The following TPRG1 variants were observed in gnomAD, a reference collection of about 807,000 sequenced individuals.
TPRG1 encodes the protein tumor protein p63-regulated gene 1 protein.
In TPRG1, 29 loss-of-function variants were observed where a neutral mutation model predicts 29.3. The observed-to-expected ratio is 0.99, with a 90% CI of 0.74 to 1.35. TPRG1 has a LOEUF of 1.35. Among genes scored for constraint, TPRG1 ranks in the 40% most tolerant of loss-of-function variants. The pLI, the probability that TPRG1 is intolerant of heterozygous loss-of-function variation, is 0.00. For missense variants in TPRG1, 327 were observed against 335.0 expected, an observed-to-expected ratio of 0.98 and a Z score of 0.19; for synonymous variants, 130 against 116.8, an observed-to-expected ratio of 1.11 and a Z score of -0.73.
chr3:189,138,480 T>G (rs535194313), intron 3 of TPRG1, among the ~76,000 whole-genome samples: 1 of 152,288 alleles, frequency 6.6e-6, no homozygotes, highest in South Asian at 2.1e-4. Context: ...GGAGTTATGC[T>G]CCAGGCAGTC....
At chr3:189,210,288 ATTG>A (rs1404170165) in intron 2 of TPRG1, among the ~76,000 whole-genome samples, 8 of 151,536 alleles carry the variant, frequency 5.3e-5, no homozygotes, top group Admixed American at 2.0e-4. Flanking sequence ...ATGGCATCTC[ATTG>A]TTGTTATAAA....
At chr3:189,114,098 C>G (rs968410391) in intron 1 of TPRG1, among the ~76,000 whole-genome samples, 9 of 151,992 alleles carry the variant, frequency 5.9e-5, no homozygotes, top group African/African-American at 1.7e-4. Context: ...TACCAGAACC[C>G]CTTATTACAT....
At chr3:189,061,218 G>A (rs536592966) in intron 4 of TPRG1, among the ~76,000 whole-genome samples, 16 of 152,112 alleles carry the variant, frequency 1.1e-4, no homozygotes, top group Admixed American at 7.9e-4. Flanking sequence ...TTCAATAAAC[G>A]GTGTTTGGAG....
At position 189,299,579 on chromosome 3, in the gene TPRG1, C is replaced by G. The variant is rs141693247; in HGVS notation, c.480-10807C>G. Among the ~76,000 whole-genome samples the G allele has an allele frequency of 8.6e-5, 13 of 150,864 alleles. No individual in the cohort carries two copies. The East Asian group carries it at 2.5e-3, about 29-fold the overall frequency. On this transcript the variant is annotated intron_variant, in intron 4 of 5. Transcript: ENST00000345063. ...AAAATAAAAACAGCTGGAGTCAGAT[C>G]ACTCTGCTCTGAGGAATGGGCATTT...
intron 4 of TPRG1, among the ~76,000 whole-genome samples, chr3:189,258,856 A>G (rs903548554): frequency 2.6e-5 from 4 of 151,988 alleles, no homozygotes; most frequent in African/African-American, 9.7e-5. Flanking sequence ...CCCTCCCCCA[A>G]CCAAGCTCAG....
At chr3:189,011,327 CA>C (rs1396866137) in intron 3 of TPRG1, among the ~76,000 whole-genome samples, 2 of 152,114 alleles carry the variant, frequency 1.3e-5, no homozygotes, top group East Asian at 3.9e-4. Context: ...ATGAGAATAG[CA>C]TTGAATCTAT....
intron 4 of TPRG1, among the ~76,000 whole-genome samples, chr3:189,246,206 T>A (rs1579017311): frequency 6.6e-6 from 1 of 152,146 alleles, no homozygotes; most frequent in East Asian, 1.9e-4. Context: ...CACATGCTCT[T>A]TTGCTTGCCA....
chr3:189,107,441 C>T (rs1420173396), intron 1 of TPRG1, among the ~76,000 whole-genome samples: 2 of 152,146 alleles, frequency 1.3e-5, no homozygotes, highest in Non-Finnish European at 2.9e-5. Flanking sequence ...TTGCTTCATA[C>T]ATGTCTAACA....
chr3:189,228,158 A>G (rs1170933238), intron 3 of TPRG1, among the ~76,000 whole-genome samples: 3 of 152,304 alleles, frequency 2.0e-5, no homozygotes, highest in Admixed American at 2.0e-4. Context: ...GACAACAACA[A>G]TTCCTCTAAA....
intron 1 of TPRG1, among the ~76,000 whole-genome samples, chr3:189,108,506 T>C (rs1489826886): frequency 1.3e-5 from 2 of 151,404 alleles, no homozygotes; most frequent in African/African-American, 4.9e-5. Flanking sequence ...CAGCACAGTT[T>C]CCATAAATTT....
intron 4 of TPRG1, among the ~76,000 whole-genome samples, chr3:189,249,599 TATC>T: frequency 6.6e-6 from 1 of 152,164 alleles, no homozygotes; most frequent in Middle Eastern, 3.4e-3. Context: ...TTGATTTTTG[TATC>T]ATATTTTTAA....
rs188246621 is a variant in TPRG1, at chr3:189,299,801, A to G, written c.480-10585A>G. On this transcript the variant is annotated intron_variant, in intron 4 of 5. Coordinates refer to ENST00000345063, the MANE Select transcript of TPRG1 (RefSeq NM_198485.4). ...TAACATTAGTATATAGAATAATTTC[A>G]TATTGATGAAGTTATCACAAATGTT... 3.3e-5 allele frequency among the ~76,000 whole-genome samples: 5 copies of G among 152,336 alleles called. No individual in the cohort carries two copies. The East Asian group carries it at 9.7e-4, about 29-fold the overall frequency.
intron 4 of TPRG1, among the ~76,000 whole-genome samples, chr3:189,046,282 G>A (rs991783575): frequency 1.3e-5 from 2 of 152,146 alleles, no homozygotes; most frequent in Admixed American, 6.5e-5. Flanking sequence ...AGAGATTGTT[G>A]GTAAACCCTC....
At chr3:189,177,433 T>A (rs1160999570) in intron 1 of TPRG1, among the ~76,000 whole-genome samples, 1 of 151,512 alleles carries the variant, frequency 6.6e-6, no homozygotes, top group South Asian at 2.1e-4. Context: ...TACATATATA[T>A]GTATACATAT....
At chr3:189,028,615 A>G (rs1335901005) in intron 4 of TPRG1, among the ~76,000 whole-genome samples, 1 of 152,194 alleles carries the variant, frequency 6.6e-6, no homozygotes, top group Non-Finnish European at 1.5e-5. Context: ...TAGGGTTTGT[A>G]ATTACCTGCC....
intron 1 of TPRG1, among the ~76,000 whole-genome samples, chr3:189,113,240 T>C (rs532906193): frequency 2.0e-5 from 3 of 152,334 alleles, no homozygotes; most frequent in East Asian, 3.9e-4. Flanking sequence ...TCCTGAGACT[T>C]TGCTGAAGCT....
intron 1 of TPRG1, among the ~76,000 whole-genome samples, chr3:189,108,925 T>G (rs970479694): frequency 6.6e-6 from 1 of 152,078 alleles, no homozygotes; most frequent in Non-Finnish European, 1.5e-5. Flanking sequence ...TGTAGTTAAC[T>G]CTGTGCTTGA....
At chr3:189,005,850 G>T (rs1307854852) in intron 3 of TPRG1, among the ~76,000 whole-genome samples, 1 of 151,968 alleles carries the variant, frequency 6.6e-6, no homozygotes, top group African/African-American at 2.4e-5. Context: ...AATTTATTCA[G>T]CAGTAATTGA....
intron 5 of TPRG1, among the ~76,000 whole-genome samples, chr3:189,157,715 T>C (rs577195546): frequency 6.6e-6 from 1 of 152,268 alleles, no homozygotes; most frequent in African/African-American, 2.4e-5. Flanking sequence ...CAGAACACCA[T>C]GCTGTTGCCT....
Sources: gnomAD v4.1 joint callset for allele counts (sites outside exome capture counted in the v4.1 genomes callset) on GRCh38, gnomAD v4.1.1 for gene constraint, MANE v1.5 for transcripts, NCBI Gene and HGNC (gene_info 2026-07-23, HGNC 2026-07-21) for gene names.